Variants in LRP8 observed in about 807,000 individuals in gnomAD.
The protein encoded by LRP8 is LDL receptor related protein 8, also known as low-density lipoprotein receptor-related protein 8.
In LRP8, 46 loss-of-function variants were observed where a neutral mutation model predicts 111.6. The observed-to-expected ratio is 0.41, with a 90% confidence interval of 0.33 to 0.53. The LOEUF is 0.53. LRP8 is among the 20% of genes least tolerant of loss of function. The pLI is 0.20. For synonymous variants in LRP8, 464 were observed against 511.2 expected, an observed-to-expected ratio of 0.91 and a Z score of 1.24; for missense variants, 959 against 1,297.4, an observed-to-expected ratio of 0.74 and a Z score of 4.01.
At position 53,328,027 on chromosome 1, in the gene LRP8, CG is replaced by C; in HGVS notation, c.-116del. The C allele has an allele frequency of 1.9e-6, 1 of 532,024 alleles. No individual in the cohort carries two copies. Among genetic ancestry groups the C allele is most frequent in the Non-Finnish European group, 2.4e-6 (1 of 417,144 alleles). 33.0% of individuals were successfully genotyped at this position (532,024 alleles called of 1,614,324 possible). A position where few individuals can be genotyped will look rare whatever the true frequency, so the allele number is the denominator to read the frequency against. On this transcript the variant is annotated 5_prime_UTR_variant, in exon 1 of 19. The change abolishes the stop of an existing upstream ORF in the 5' untranslated region. Transcript: ENST00000306052. ...GGGTTGCCGCTGCCCCCGCCGCCGC[CG>C]CCGCCGCCGCTGCCGCCCGCCCCGG... is the stretch of plus-strand genomic sequence containing the variant.
chr1:53,285,811 C>T (rs1441457574), intron 3 of LRP8, among the ~76,000 whole-genome samples: 1 of 152,136 alleles, frequency 6.6e-6, no homozygotes, highest in Non-Finnish European at 1.5e-5. Context: ...ATGCCTTTGG[C>T]CTGCTCTCCA....
At chr1:53,263,708 CAGAGG>C (rs1646434658) in intron 10 of LRP8, among the ~76,000 whole-genome samples, 1 of 152,142 alleles carries the variant, frequency 6.6e-6, no homozygotes, top group Non-Finnish European at 1.5e-5. Flanking sequence ...TATGTAACTC[CAGAGG>C]CCAATGGAGG....
chr1:53,282,912 T>C (rs1647161272), intron 3 of LRP8, among the ~76,000 whole-genome samples: 1 of 152,048 alleles, frequency 6.6e-6, no homozygotes, highest in Admixed American at 6.6e-5. Flanking sequence ...CAACTACTTA[T>C]CCCTAAGCCA....
intron 2 of LRP8, among the ~76,000 whole-genome samples, chr1:53,302,558 T>A (rs1016731415): frequency 2.6e-5 from 4 of 152,094 alleles, no homozygotes; most frequent in Non-Finnish European, 5.9e-5. Flanking sequence ...ACACCCAGGG[T>A]TTTTGTTCCT....
chr1:53,276,487 T>C (rs1272032790), intron 5 of LRP8, among the ~76,000 whole-genome samples: 1 of 152,126 alleles, frequency 6.6e-6, no homozygotes, highest in East Asian at 1.9e-4. Flanking sequence ...TGGAGGCTTC[T>C]GGAGTTAGAC....
chr1:53,271,110 A>G lies in LRP8; in HGVS notation c.1170T>C (p.Cys390=). The G allele has an allele frequency of 1.1e-5, 17 of 1,613,872 alleles. No homozygotes were observed. Among genetic ancestry groups the G allele is most frequent in the Non-Finnish European group, 1.4e-5 (17 of 1,179,988 alleles). The change falls in exon 8 of 19, where the codon TGT becomes TGC. Residue 390 remains cysteine, a synonymous_variant. Transcript: ENST00000306052. ...CKDPDACSQI[C]VNYKGYFKCE... Reference sequence around the variant, plus strand: ...ACTTAAAATAGCCCTTGTAATTGACACAGATCTGGCTGCAGGCATCTGGGT... The same window carrying G: ...ACTTAAAATAGCCCTTGTAATTGACGCAGATCTGGCTGCAGGCATCTGGGT...
Position 53,294,648 on chromosome 1 carries a change from G to T in LRP8, c.245-4959C>A, listed in dbSNP as rs556508644. 6.6e-6 allele frequency among the ~76,000 whole-genome samples: 1 copy of T among 152,314 alleles called. No individual in the cohort carries two copies. Among genetic ancestry groups the T allele is most frequent in the East Asian group, 1.9e-4 (1 of 5,184 alleles). On this transcript the variant is annotated intron_variant, in intron 2 of 18. Coordinates refer to ENST00000306052, the MANE Select transcript of LRP8 (RefSeq NM_004631.5). This position sits in a 1 kb window ranked among gnomAD's most constrained non-coding sequence, Gnocchi z 4.1. ...AGCCCTGGCCCCAGCTGCCGTGTGT[G>T]TAACACTGGGCCCATCCGTCAAACC...
intron 2 of LRP8, among the ~76,000 whole-genome samples, chr1:53,295,968 G>C (rs527618126): frequency 6.6e-6 from 1 of 152,172 alleles, no homozygotes; most frequent in Admixed American, 6.5e-5. Context: ...GTACTTAGCC[G>C]TCTGTCTCTG....
intron 13 of LRP8, among the ~76,000 whole-genome samples, chr1:53,258,921 A>G (rs1290922137): frequency 6.6e-6 from 1 of 152,132 alleles, no homozygotes; most frequent in East Asian, 1.9e-4. Flanking sequence ...CTACTATCAT[A>G]CTTTACTTAG....
chr1:53,281,623 AGAG>A (rs1460207616), intron 3 of LRP8, among the ~76,000 whole-genome samples: 1 of 152,244 alleles, frequency 6.6e-6, no homozygotes, highest in Non-Finnish European at 1.5e-5. Context: ...CCTCCAGCAT[AGAG>A]GCGGAGAACA....
chr1:53,247,314 G>A (rs970910356), intron 18 of LRP8, among the ~76,000 whole-genome samples: 1 of 152,178 alleles, frequency 6.6e-6, no homozygotes, highest in African/African-American at 2.4e-5. Flanking sequence ...ATCCAAAGCT[G>A]TAGATTTTTT....
intron 2 of LRP8, chr1:53,305,530 A>G (rs10493173): frequency 0.13 from 19,385 of 152,268 alleles, 1,367 homozygotes; most frequent in Middle Eastern, 0.19. Context: ...TTCTCCATGT[A>G]TAAAGTAGAA....
At chr1:53,261,986 C>T in intron 12 of LRP8, 82 bp downstream of exon 12, 1 of 1,503,752 alleles carries the variant, frequency 6.7e-7, no homozygotes, top group Admixed American at 1.9e-5. Context: ...TTGAACAAGT[C>T]TCAGGGACTC....
At position 53,297,611 on chromosome 1, in the gene LRP8, C is replaced by T. The variant is rs117264253; in HGVS notation, c.245-7922G>A. On this transcript the variant is annotated intron_variant, in intron 2 of 18. Coordinates refer to ENST00000306052, the MANE Select transcript of LRP8 (RefSeq NM_004631.5). ...CTGCAGGTGCTGAGGAGGAGGGAGACACACGAAGGGCTCCAGCCAAAGGAT... is the reference window on the plus strand; with the variant it reads ...CTGCAGGTGCTGAGGAGGAGGGAGATACACGAAGGGCTCCAGCCAAAGGAT... Among the ~76,000 whole-genome samples, 33 of 152,320 alleles carry T rather than the reference C, an allele frequency of 2.2e-4. 1 individual carries two copies. In the East Asian group the frequency reaches 6.4e-3, roughly 29 times the overall value.
At chr1:53,324,438 C>T (rs773637150) in intron 2 of LRP8, among the ~76,000 whole-genome samples, 27 of 152,200 alleles carry the variant, frequency 1.8e-4, no homozygotes, top group Admixed American at 1.3e-4. Context: ...CCATCCGTTC[C>T]CTTCTTGCCA....
At chr1:53,323,619 A>G (rs997642684) in intron 2 of LRP8, among the ~76,000 whole-genome samples, 5 of 152,208 alleles carry the variant, frequency 3.3e-5, no homozygotes, top group Non-Finnish European at 7.3e-5. Flanking sequence ...AGGTTCTTTG[A>G]GCTGAGAACT....
intron 2 of LRP8, chr1:53,292,131 T>A (rs899011071): frequency 2.6e-5 from 4 of 152,088 alleles, no homozygotes; most frequent in Non-Finnish European, 1.5e-5. Flanking sequence ...GCAGGCCTGC[T>A]CCCCCTCCTC....
chr1:53,281,368 T>C, intron 3 of LRP8, among the ~76,000 whole-genome samples: 1 of 152,240 alleles, frequency 6.6e-6, no homozygotes, highest in East Asian at 1.9e-4. Flanking sequence ...AATCTCAATT[T>C]GGAAGGAAGA....
At chr1:53,255,742 A>T in intron 15 of LRP8, among the ~76,000 whole-genome samples, 1 of 152,234 alleles carries the variant, frequency 6.6e-6, no homozygotes, top group East Asian at 1.9e-4. Context: ...TCCCAGCTCT[A>T]CTACTCACTA....
Sources: allele counts gnomAD v4.1 joint callset (sites outside exome capture counted in the v4.1 genomes callset), GRCh38; gene constraint gnomAD v4.1.1; non-coding constraint Gnocchi (gnomAD v3.1); transcripts MANE v1.5; gene names NCBI Gene and HGNC (gene_info 2026-07-23, HGNC 2026-07-21).